The following EYS variants were observed in gnomAD, a reference collection of about 807,000 sequenced individuals.
EYS encodes EGF-like photoreceptor maintenance factor.
A neutral mutation model predicts 282.1 loss-of-function variants in EYS; 250 were observed. That is an observed-to-expected ratio of 0.89 (90% CI 0.80 to 0.98). The LOEUF is 0.98. Ranked by LOEUF, EYS falls within the 50% of genes least tolerant of loss-of-function variation. EYS has a pLI of 0.00. For synonymous variants in EYS, 1,355 were observed against 1,282.9 expected (o/e 1.06, Z -1.20); for missense variants, 4,016 against 3,709.0 (o/e 1.08, Z -2.15).
chr6:64,133,793 A>G (rs2150283456), intron 31 of EYS, among the ~76,000 whole-genome samples: 1 of 151,424 alleles, frequency 6.6e-6, no homozygotes, highest in Non-Finnish European at 1.5e-5. Flanking sequence ...TTATAAGAGG[A>G]CTTGCCTTCA....
At chr6:65,117,990 A>G (rs1179471834) in intron 12 of EYS, among the ~76,000 whole-genome samples, 2 of 152,214 alleles carry the variant, frequency 1.3e-5, no homozygotes, top group African/African-American at 2.4e-5. Context: ...ATACTTACAG[A>G]CAATAACTAC....
chr6:63,953,852 C>G (rs371334711), intron 35 of EYS, among the ~76,000 whole-genome samples: 25 of 152,168 alleles, frequency 1.6e-4, no homozygotes, highest in African/African-American at 5.8e-4. Context: ...GCCTTTCTGT[C>G]CAAACAACTT....
chr6:64,879,509 A>C lies in EYS; in HGVS notation c.2992+7188T>G, dbSNP rs191972509. Reference sequence around the variant, plus strand: ...AAAAAAACATACAAAAAGCTTCATAAATATTATTTTAGAGAAAATATAAGA... The same window carrying C: ...AAAAAAACATACAAAAAGCTTCATACATATTATTTTAGAGAAAATATAAGA... On this transcript the variant is annotated intron_variant, in intron 19 of 42. Coordinates refer to ENST00000503581, the MANE Select transcript of EYS (RefSeq NM_001142800.2). 4.6e-5 allele frequency among the ~76,000 whole-genome samples: 7 copies of C among 152,272 alleles called. No homozygotes were observed. In the East Asian group the frequency reaches 1.4e-3, roughly 29 times the overall value.
chr6:64,155,031 A>C (rs2150297119), intron 31 of EYS, among the ~76,000 whole-genome samples: 1 of 152,258 alleles, frequency 6.6e-6, no homozygotes, highest in South Asian at 2.1e-4. Flanking sequence ...TGTGCTTTCT[A>C]AAGGGCTCCA....
chr6:64,215,755 C>T (rs775785444), intron 31 of EYS, among the ~76,000 whole-genome samples: 3 of 152,178 alleles, frequency 2.0e-5, no homozygotes, highest in Non-Finnish European at 4.4e-5. Flanking sequence ...GCAATGTGGT[C>T]ACTTTCTTTA....
chr6:65,241,583 C>T (rs1767059495), intron 12 of EYS, among the ~76,000 whole-genome samples: 2 of 152,146 alleles, frequency 1.3e-5, no homozygotes, highest in African/African-American at 4.8e-5. Flanking sequence ...TTTATATCTG[C>T]AATTTCTGCT....
intron 30 of EYS, among the ~76,000 whole-genome samples, chr6:64,288,600 CT>C (rs1366465359): frequency 6.6e-6 from 1 of 152,158 alleles, no homozygotes; most frequent in Non-Finnish European, 1.5e-5. Flanking sequence ...AGCATCTGGC[CT>C]GATAACACAT....
chr6:63,838,548 G>A (rs1771868402), intron 36 of EYS, among the ~76,000 whole-genome samples: 1 of 152,104 alleles, frequency 6.6e-6, no homozygotes, highest in Non-Finnish European at 1.5e-5. Context: ...AAGGTGTGGA[G>A]GAGTGGAAAT....
At chr6:65,506,455 C>CCTTT (rs1562228580) in intron 2 of EYS, among the ~76,000 whole-genome samples, 45 of 107,418 alleles carry the variant, frequency 4.2e-4, no homozygotes, top group African/African-American at 1.1e-3. Context: ...ATCCTTCCTT[C>CCTTT]CTTTCTTTTT....
At chr6:64,063,313 T>C (rs1323661477) in intron 33 of EYS, among the ~76,000 whole-genome samples, 2 of 152,300 alleles carry the variant, frequency 1.3e-5, no homozygotes, top group African/African-American at 4.8e-5. Flanking sequence ...TCAGCATGCT[T>C]AAACTTAAAC....
At chr6:65,421,984 T>G (rs1286313019) in intron 5 of EYS, among the ~76,000 whole-genome samples, 2 of 151,894 alleles carry the variant, frequency 1.3e-5, no homozygotes, top group Non-Finnish European at 2.9e-5. Flanking sequence ...ATTGTGAGAA[T>G]TACCAAAAGG....
chr6:65,191,372 C>T (rs1554165378), intron 12 of EYS, among the ~76,000 whole-genome samples: 1 of 151,606 alleles, frequency 6.6e-6, no homozygotes, highest in African/African-American at 2.4e-5. Context: ...GGCAAAAGAA[C>T]AAAAAATGGA....
At chr6:63,855,489 C>T (rs1250486250) in intron 36 of EYS, among the ~76,000 whole-genome samples, 1 of 152,206 alleles carries the variant, frequency 6.6e-6, no homozygotes, top group African/African-American at 2.4e-5. Flanking sequence ...TTATGATTAT[C>T]TCCTAAGTAT....
chr6:65,678,053 C>T (rs544069298), intron 1 of EYS, among the ~76,000 whole-genome samples: 7 of 152,100 alleles, frequency 4.6e-5, no homozygotes, highest in African/African-American at 1.7e-4. Flanking sequence ...ATGTCTCCAG[C>T]ATTTGCTTCT....
chr6:64,415,225 C>A (rs567914639), intron 28 of EYS, among the ~76,000 whole-genome samples: 1 of 152,274 alleles, frequency 6.6e-6, no homozygotes, highest in East Asian at 1.9e-4. Flanking sequence ...TTGAAGTACA[C>A]TGAGAGCCAC....
intron 33 of EYS, among the ~76,000 whole-genome samples, chr6:64,043,964 T>C (rs1437348279): frequency 6.6e-6 from 1 of 152,198 alleles, no homozygotes; most frequent in Admixed American, 6.5e-5. Flanking sequence ...ACTCCACACG[T>C]AACTTGAGGA....
At chr6:64,852,312 T>C (rs1046563444) in intron 19 of EYS, among the ~76,000 whole-genome samples, 10 of 152,138 alleles carry the variant, frequency 6.6e-5, no homozygotes, top group African/African-American at 2.2e-4. Flanking sequence ...GCTGCCAGCA[T>C]GGCCAGGATA....
At chr6:65,457,818 A>T (rs146135150) in intron 5 of EYS, among the ~76,000 whole-genome samples, 1 of 152,156 alleles carries the variant, frequency 6.6e-6, no homozygotes, top group Non-Finnish European at 1.5e-5. Flanking sequence ...GATGTGTACA[A>T]GTTTGGTACA....
At chr6:65,081,845 T>C (rs1774238079) in intron 12 of EYS, among the ~76,000 whole-genome samples, 1 of 152,100 alleles carries the variant, frequency 6.6e-6, no homozygotes, top group Non-Finnish European at 1.5e-5. Context: ...TTTGACATTT[T>C]GTGCTCTTCT....
Sources: allele counts gnomAD v4.1 joint callset (sites outside exome capture counted in the v4.1 genomes callset), GRCh38; gene constraint gnomAD v4.1.1; transcripts MANE v1.5; gene names NCBI Gene and HGNC (gene_info 2026-07-23, HGNC 2026-07-21).